Variants in AIF1L observed in about 807,000 individuals in gnomAD.
AIF1L encodes the protein allograft inflammatory factor 1-like.
A neutral mutation model predicts 20.7 loss-of-function variants in AIF1L; 12 were observed. That is an observed-to-expected ratio of 0.58 (90% CI 0.37 to 0.94). AIF1L has a LOEUF of 0.94. Among genes scored for constraint, AIF1L ranks in the 40% least tolerant of loss-of-function variants. The pLI is 0.01. For synonymous variants in AIF1L, 76 were observed against 65.1 expected, an observed-to-expected ratio of 1.17 and a Z score of -0.81; for missense variants, 173 against 185.3, an observed-to-expected ratio of 0.93 and a Z score of 0.39.
In AIF1L at chr9:131,096,868, G is replaced by T; in HGVS notation, c.93+5G>T. On this transcript the variant is annotated splice_donor_5th_base_variant and intron_variant, in intron 2 of 5. Transcript: ENST00000247291. ...AGGCTGGCCGAGATCAACCGGGTAA[G>T]CCCCGCGCCCAGGGCAGCACGCGAG... 2 of 1,532,988 alleles carry T rather than the reference G, an allele frequency of 1.3e-6. No individual in the cohort carries two copies. The highest frequency in any genetic ancestry group is 1.8e-6 in the Non-Finnish European group (2 of 1,141,362). The allele number at this position is 1,532,988 out of a possible 1,614,324, so 95.0% of individuals were successfully genotyped here. A position where few individuals can be genotyped will look rare whatever the true frequency, so the allele number is the denominator to read the frequency against.
rs1407082812 is a variant in AIF1L, at chr9:131,122,301, C to T, written c.*1979C>T. 1.3e-5 allele frequency: 2 copies of T among 152,504 alleles called. No homozygotes were observed. The highest frequency in any genetic ancestry group is 2.9e-5 in the Non-Finnish European group (2 of 68,024). The allele number at this position is 152,504 out of a possible 1,614,324, so 9.4% of individuals were successfully genotyped here. Reference sequence around the variant, plus strand: ...TGAGGAAATGGCCAGGTTGGGTTAACCCACTGGTTTCAACCAGTTCAGGAA... The same window carrying T: ...TGAGGAAATGGCCAGGTTGGGTTAATCCACTGGTTTCAACCAGTTCAGGAA... On this transcript the variant is annotated 3_prime_UTR_variant, in exon 6 of 6. Coordinates refer to ENST00000247291, the MANE Select transcript of AIF1L (RefSeq NM_031426.4).
chr9:131,111,932 C>T (rs1197187169), intron 3 of AIF1L: 14 of 496,958 alleles, frequency 2.8e-5, no homozygotes, highest in South Asian at 1.4e-4. Context: ...TCACTGCCCA[C>T]GGGGCTCAGG....
In AIF1L at chr9:131,121,084, T is replaced by C; in HGVS notation, c.*762T>C. ...GAGGCCTGGGGTTTTGGGGGAAAGG[T>C]CAGCTCAGTGCTGTTCCACCTTTTA... On this transcript the variant is annotated 3_prime_UTR_variant, in exon 6 of 6. Coordinates refer to ENST00000247291, the MANE Select transcript of AIF1L (RefSeq NM_031426.4). 2 of 712,926 alleles carry C rather than the reference T, an allele frequency of 2.8e-6. No homozygotes were observed. The highest frequency in any genetic ancestry group is 5.2e-6 in the Non-Finnish European group (2 of 382,892). The allele number at this position is 712,926 out of a possible 1,614,324, so 44.2% of individuals were successfully genotyped here.
intron 2 of AIF1L, among the ~76,000 whole-genome samples, chr9:131,100,456 C>T (rs535790844): frequency 3.3e-5 from 5 of 152,294 alleles, no homozygotes; most frequent in South Asian, 2.1e-4. Flanking sequence ...TTTGAGAAAA[C>T]GAGACTCAGA....
rs1410655637 is a variant in AIF1L at position 131,117,996 on chromosome 9, C to G, written c.365+78C>G. The G allele has an allele frequency of 6.9e-6, 10 of 1,443,558 alleles. No individual in the cohort carries two copies. In the East Asian group the frequency reaches 2.4e-4, roughly 34 times the overall value. 89.4% of individuals were successfully genotyped at this position (1,443,558 alleles called of 1,614,324 possible). On this transcript the variant is annotated intron_variant, in intron 5 of 5. Coordinates refer to ENST00000247291, the MANE Select transcript of AIF1L (RefSeq NM_031426.4). ...AGAGAGGCCCCTGGCTCTGGGCACC[C>G]CAGCCATTCCCCACCTAGTAGGTAA...
At chr9:131,111,393 C>T in intron 2 of AIF1L, 1 of 584,506 alleles carries the variant, frequency 1.7e-6, no homozygotes, top group Admixed American at 2.9e-5. Context: ...CCTCCCCAAG[C>T]TGCTGGGCAA....
rs973800509 is a variant in AIF1L at position 131,100,600 on chromosome 9, G to A, written c.93+3737G>A. On this transcript the variant is annotated intron_variant, in intron 2 of 5. Coordinates refer to ENST00000247291, the MANE Select transcript of AIF1L (RefSeq NM_031426.4). ...ATTTGCTGTGTGTTTGTATGTGCAC[G>A]CACGTGTGTACATAGCAGCACTACT... 3.3e-5 allele frequency among the ~76,000 whole-genome samples: 5 copies of A among 152,340 alleles called. 1 individual carries two copies. Among genetic ancestry groups the A allele is most frequent in the East Asian group, 1.9e-4 (1 of 5,192 alleles).
intron 3 of AIF1L, 63 bp downstream of exon 3, chr9:131,111,726 G>A (rs948031886): frequency 4.7e-6 from 7 of 1,497,984 alleles, no homozygotes; most frequent in Non-Finnish European, 5.6e-6. Context: ...CCTCATCCTT[G>A]CACACAGGAC....
At chr9:131,109,772 A>G (rs1483797511) in intron 2 of AIF1L, among the ~76,000 whole-genome samples, 1 of 152,188 alleles carries the variant, frequency 6.6e-6, no homozygotes, top group Non-Finnish European at 1.5e-5. Flanking sequence ...CTGTAAGGTC[A>G]GAGACCAGGC....
chr9:131,121,935 A>G lies in AIF1L; in HGVS notation c.*1613A>G, dbSNP rs1367323775. ...CTTACCCTACCTGCTCAGGACTGAG[A>G]CAGTTATTCACTGAACATATTTATT... is the stretch of plus-strand genomic sequence containing the variant. On this transcript the variant is annotated 3_prime_UTR_variant, in exon 6 of 6. Coordinates refer to ENST00000247291, the MANE Select transcript of AIF1L (RefSeq NM_031426.4). The G allele has an allele frequency of 1.3e-5, 2 of 152,266 alleles. No individual in the cohort carries two copies. Among genetic ancestry groups the G allele is most frequent in the Non-Finnish European group, 2.9e-5 (2 of 68,038 alleles). 9.4% of individuals were successfully genotyped at this position (152,266 alleles called of 1,614,324 possible).
intron 2 of AIF1L, among the ~76,000 whole-genome samples, chr9:131,099,189 G>C (rs1361414535): frequency 6.6e-6 from 1 of 152,184 alleles, no homozygotes; most frequent in South Asian, 2.1e-4. Context: ...TTCTTTGTTC[G>C]TGGCCTCAAG....
intron 4 of AIF1L, among the ~76,000 whole-genome samples, chr9:131,116,964 G>C (rs1419152459): frequency 6.6e-6 from 1 of 152,196 alleles, no homozygotes; most frequent in Non-Finnish European, 1.5e-5. Flanking sequence ...GCTGCGCCAC[G>C]GCCCATGGCC....
intron 2 of AIF1L, among the ~76,000 whole-genome samples, chr9:131,100,094 G>A (rs1038815412): frequency 3.3e-5 from 5 of 152,096 alleles, no homozygotes; most frequent in Admixed American, 3.3e-4. Flanking sequence ...CCAGGCTGGG[G>A]TGCAGTGGCC....
intron 3 of AIF1L, 24 bp downstream of exon 3, chr9:131,111,687 C>T (rs1212597451): frequency 1.2e-6 from 2 of 1,610,162 alleles, no homozygotes; most frequent in East Asian, 4.5e-5. Context: ...GGCTGCCCTG[C>T]ATTTATTCCT....
chr9:131,106,253 T>C (rs1161045570), intron 2 of AIF1L: 10 of 1,533,372 alleles, frequency 6.5e-6, no homozygotes, highest in South Asian at 1.2e-5. Context: ...GCTTGCTGGC[T>C]CTGCTGTTTC....
chr9:131,103,651 AAAAC>A (rs928189266), intron 2 of AIF1L, among the ~76,000 whole-genome samples: 5 of 152,196 alleles, frequency 3.3e-5, no homozygotes, highest in South Asian at 2.1e-4. Context: ...GACTCAAAAC[AAAAC>A]AAACAAACAA....
intron 2 of AIF1L, chr9:131,106,312 T>G: frequency 7.6e-7 from 1 of 1,321,906 alleles, no homozygotes; most frequent in South Asian, 1.3e-5. Context: ...ATCCTGCACA[T>G]GTTTATTGAG....
At position 131,120,395 on chromosome 9, in the gene AIF1L, T is replaced by C; in HGVS notation, c.*73T>C. On this transcript the variant is annotated 3_prime_UTR_variant, in exon 6 of 6. Coordinates refer to ENST00000247291, the MANE Select transcript of AIF1L (RefSeq NM_031426.4). ...GATCTTGCTGCCCTTCTTGACACAC[T>C]GTGATCTCTCTCTCTCTCATTTGTT... 8.9e-7 allele frequency: 1 copy of C among 1,122,660 alleles called. No homozygotes were observed. The allele number at this position is 1,122,660 out of a possible 1,614,324, so 69.5% of individuals were successfully genotyped here.
intron 2 of AIF1L, 135 bp from the exon 3 acceptor site, chr9:131,111,462 G>A (rs1038231872): frequency 2.6e-6 from 2 of 770,944 alleles, no homozygotes; most frequent in African/African-American, 3.5e-5. Context: ...CAGGAAGCCG[G>A]GGTGAACAAG....
Sources: allele counts gnomAD v4.1 joint callset (sites outside exome capture counted in the v4.1 genomes callset), GRCh38; gene constraint gnomAD v4.1.1; transcripts MANE v1.5; gene names NCBI Gene and HGNC (gene_info 2026-07-23, HGNC 2026-07-21).